Variants in ABCC1 observed in about 807,000 individuals in gnomAD.
ABCC1 encodes multidrug resistance-associated protein 1.
Under a neutral mutation model 172.9 loss-of-function variants are expected in ABCC1, and 83 were observed. That is an observed-to-expected ratio of 0.48 (90% CI 0.40 to 0.58). The LOEUF (loss-of-function observed/expected upper bound fraction) is 0.58. Among genes scored for constraint, ABCC1 ranks in the 20% least tolerant of loss-of-function variants. ABCC1 has a pLI of 0.00. For synonymous variants in ABCC1, 937 were observed against 825.2 expected, an observed-to-expected ratio of 1.14 and a Z score of -2.32; for missense variants, 1,817 against 2,002.7, an observed-to-expected ratio of 0.91 and a Z score of 1.77.
chr16:16,063,282 C>T (rs551381407), intron 12 of ABCC1, among the ~76,000 whole-genome samples: 1 of 151,844 alleles, frequency 6.6e-6, no homozygotes, highest in Non-Finnish European at 1.5e-5. Flanking sequence ...AATTTTTTGT[C>T]TTTTTAGTAG....
chr16:15,994,222 A>G (rs925597181), intron 1 of ABCC1, among the ~76,000 whole-genome samples: 1 of 152,152 alleles, frequency 6.6e-6, no homozygotes, highest in Non-Finnish European at 1.5e-5. Context: ...CCTGTCTCAA[A>G]AAACAAAACC....
At chr16:16,103,767 A>G (rs893000649) in intron 20 of ABCC1, among the ~76,000 whole-genome samples, 1 of 152,184 alleles carries the variant, frequency 6.6e-6, no homozygotes, top group Non-Finnish European at 1.5e-5. Context: ...TGGAACAGAC[A>G]AACACTTCGT....
At position 16,115,011 on chromosome 16, in the gene ABCC1, C is replaced by G. The variant is rs1444327921; in HGVS notation, c.3325C>G (p.Leu1109Val). 6.2e-7 allele frequency: 1 copy of G among 1,614,104 alleles called. No homozygotes were observed. Among genetic ancestry groups the G allele is most frequent in the Non-Finnish European group, 8.5e-7 (1 of 1,180,038 alleles). Residue 1109 changes from leucine to valine, a missense_variant, in exon 23 of 31, where the codon CTG becomes GTG. Physicochemically the swap from Leu to Val is conservative, Grantham distance 32. Transcript: ENST00000399410. ...CGTCATTGGTGCCTGCATCGTTATC[C>G]TGCTGGCCACGCCCATCGCCGCCAT... Reference protein sequence around the residue: ...FNVIGACIVILLATPIAAIII... With the variant: ...FNVIGACIVIVLATPIAAIII...
intron 1 of ABCC1, among the ~76,000 whole-genome samples, chr16:16,005,187 G>A (rs896556836): frequency 6.6e-6 from 1 of 150,946 alleles, no homozygotes; most frequent in Non-Finnish European, 1.5e-5. Flanking sequence ...AGAGCTATTT[G>A]GAGGGTGCAT....
At position 16,083,524 on chromosome 16, in the gene ABCC1, G is replaced by T. The variant is rs762908682; in HGVS notation, c.2274G>T (p.Arg758=). The part of the protein sequence containing the change: ...PDLEILPSGD[R]TEIGEKGVNL... ...TGGAAATCCTGCCCAGTGGGGATCG[G>T]ACAGAGATTGGCGAGAAGGTCAGTA... The change falls in exon 17 of 31, where the codon CGG becomes CGT. Residue 758 remains arginine, a synonymous_variant. Coordinates refer to ENST00000399410, the MANE Select transcript of ABCC1 (RefSeq NM_004996.4). The T allele has an allele frequency of 6.2e-7, 1 of 1,613,228 alleles. No homozygotes were observed. The highest frequency in any genetic ancestry group is 2.2e-5 in the East Asian group (1 of 44,848).
At chr16:16,122,840 C>T (rs901974247) in intron 24 of ABCC1, among the ~76,000 whole-genome samples, 3 of 151,794 alleles carry the variant, frequency 2.0e-5, no homozygotes, top group South Asian at 2.1e-4. Flanking sequence ...GCTATGATTA[C>T]ACCACTGCAC....
intron 22 of ABCC1, among the ~76,000 whole-genome samples, chr16:16,112,682 C>T (rs564525931): frequency 7.9e-5 from 12 of 152,320 alleles, no homozygotes; most frequent in African/African-American, 2.4e-4. Flanking sequence ...CAGGAGCTCA[C>T]GCTGTTATCC....
In ABCC1 at chr16:16,124,400, T is replaced by TGTGTGTGG. The variant is rs1555502645; in HGVS notation, c.3591-382_3591-381insGGTGTGTG. 9.7e-3 allele frequency among the ~76,000 whole-genome samples: 1,263 copies of TGTGTGTGG among 130,456 alleles called. 32 individuals are homozygous for TGTGTGTGG. Among genetic ancestry groups the TGTGTGTGG allele is most frequent in the Middle Eastern group, 0.03 (8 of 266 alleles). The allele number at this position is 130,456 out of a possible 152,430, so 85.6% of individuals were successfully genotyped here. On this transcript the variant is annotated intron_variant, in intron 24 of 30. Coordinates refer to ENST00000399410, the MANE Select transcript of ABCC1 (RefSeq NM_004996.4). ...GGCTGTGTGTGTGTGTGTGTGTGTG[T>TGTGTGTGG]GTGTGTGTGTATGTGTGTGTGTGTG... is the stretch of plus-strand genomic sequence containing the variant.
intron 1 of ABCC1, among the ~76,000 whole-genome samples, chr16:15,989,322 G>C (rs774787059): frequency 3.3e-5 from 5 of 152,152 alleles, no homozygotes; most frequent in African/African-American, 4.8e-5. Context: ...CTGCCCACGC[G>C]ATGCTGGCTT....
At chr16:15,961,214 T>G (rs1177561374) in intron 1 of ABCC1, among the ~76,000 whole-genome samples, 1 of 152,086 alleles carries the variant, frequency 6.6e-6, no homozygotes, top group Admixed American at 6.6e-5. Flanking sequence ...GAACCTTAAC[T>G]GAAACGTTTG....
intron 11 of ABCC1, among the ~76,000 whole-genome samples, chr16:16,054,356 C>T (rs2049561051): frequency 6.6e-6 from 1 of 152,046 alleles, no homozygotes; most frequent in Non-Finnish European, 1.5e-5. Context: ...TGATTTTTGT[C>T]CTTTAGCGCC....
intron 15 of ABCC1, among the ~76,000 whole-genome samples, chr16:16,078,151 C>T (rs56076205): frequency 0.077 from 11,694 of 152,172 alleles, 472 homozygotes; most frequent in African/African-American, 0.1. Context: ...GAGTGAGACT[C>T]TTGTCTCAAA....
rs139073984 is a variant in ABCC1 at position 16,016,650 on chromosome 16, G to C, written c.615+29G>C. On this transcript the variant is annotated intron_variant, in intron 5 of 30. Transcript: ENST00000399410. ...AGTGTGACCACAGATGAGTGTGTGT[G>C]CGTGTGTGTGTGAGAGAGATGCGTG... 8,061 of 1,613,386 alleles carry C rather than the reference G, an allele frequency of 5.0e-3. 30 individuals carry two copies. Among genetic ancestry groups the C allele is most frequent in the Non-Finnish European group, 6.3e-3 (7,422 of 1,179,592 alleles).
At position 16,088,909 on chromosome 16, in the gene ABCC1, A is replaced by G. The variant is rs9933212; in HGVS notation, c.2461-1496A>G. Among the ~76,000 whole-genome samples the G allele has an allele frequency of 3.9e-3, 600 of 152,150 alleles. 7 individuals carry two copies. Among genetic ancestry groups the G allele is most frequent in the African/African-American group, 0.014 (580 of 41,496 alleles). Reference sequence around the variant, plus strand: ...TTATTTTGTGGAGACAGGTCTCACTATGTTTCCCAGGCTGGTTTCAAACTC... The same window carrying G: ...TTATTTTGTGGAGACAGGTCTCACTGTGTTTCCCAGGCTGGTTTCAAACTC... On this transcript the variant is annotated intron_variant, in intron 18 of 30. Coordinates refer to ENST00000399410, the MANE Select transcript of ABCC1 (RefSeq NM_004996.4).
At chr16:16,043,190 G>A (rs1321726015) in intron 7 of ABCC1, among the ~76,000 whole-genome samples, 3 of 146,290 alleles carry the variant, frequency 2.1e-5, no homozygotes, top group Admixed American at 1.4e-4. Flanking sequence ...TTAGAAATAG[G>A]GTCTTGCTGT....
intron 5 of ABCC1, among the ~76,000 whole-genome samples, chr16:16,032,108 A>G (rs977622625): frequency 1.3e-5 from 2 of 152,128 alleles, no homozygotes; most frequent in African/African-American, 4.8e-5. Flanking sequence ...CTCTTGCCTC[A>G]GCCTCCCAAG....
At chr16:16,061,671 A>C (rs1731697793) in intron 12 of ABCC1, among the ~76,000 whole-genome samples, 1 of 152,030 alleles carries the variant, frequency 6.6e-6, no homozygotes, top group African/African-American at 2.4e-5. Flanking sequence ...CATGTCATAC[A>C]TGTAGTTATG....
chr16:16,111,387 G>A lies in ABCC1; in HGVS notation c.2884G>A (p.Val962Met), dbSNP rs371105838. ...KAQTGQVKLS[V>M]YWDYMKAIGL... Reference sequence around the variant, plus strand: ...CTGTGATCTCCAGGTCAAGCTTTCCGTGTACTGGGACTACATGAAGGCCAT... The same window carrying A: ...CTGTGATCTCCAGGTCAAGCTTTCCATGTACTGGGACTACATGAAGGCCAT... The change falls in exon 22 of 31, where the codon GTG (valine) becomes ATG (methionine). Residue 962 changes from valine (V) to methionine (M), a missense_variant. Transcript: ENST00000399410. The A allele has an allele frequency of 1.1e-5, 17 of 1,613,934 alleles. No homozygotes were observed. Among genetic ancestry groups the A allele is most frequent in the African/African-American group, 6.7e-5 (5 of 74,888 alleles).
At chr16:16,099,396 G>A (rs898700885) in intron 19 of ABCC1, among the ~76,000 whole-genome samples, 3 of 152,192 alleles carry the variant, frequency 2.0e-5, no homozygotes, top group Admixed American at 1.3e-4. Flanking sequence ...TGGAATTCCA[G>A]TGGCCAGACT....
Sources: gnomAD v4.1 joint callset for allele counts (sites outside exome capture counted in the v4.1 genomes callset) on GRCh38, gnomAD v4.1.1 for gene constraint, MANE v1.5 for transcripts, NCBI Gene and HGNC (gene_info 2026-07-23, HGNC 2026-07-21) for gene names.